The following TENM3 variants were observed in gnomAD, a reference collection of about 807,000 sequenced individuals.
The protein encoded by TENM3 is teneurin transmembrane protein 3.
In TENM3, 63 loss-of-function variants were observed where a neutral mutation model predicts 255.1. That is an observed-to-expected ratio of 0.25 (90% CI 0.20 to 0.30). The LOEUF is 0.30. Ranked by LOEUF, TENM3 falls within the 10% of genes least tolerant of loss-of-function variation. TENM3 has a pLI of 1.00. For missense variants in TENM3, 2,929 were observed against 3,461.1 expected (o/e 0.85, Z 3.86); for synonymous variants, 1,306 against 1,322.3 (o/e 0.99, Z 0.27).
intron 13 of TENM3, 120 bp from the exon 14 acceptor site, chr4:182,728,839 TACTATC>T: frequency 1.4e-6 from 1 of 704,280 alleles, no homozygotes; most frequent in Non-Finnish European, 2.4e-6. Flanking sequence ...TCATAGAAAT[TACTATC>T]AGATAGTCGG....
At chr4:181,527,437 C>G in the TENM3 span, among the ~76,000 whole-genome samples, 1 of 151,952 alleles carries the variant, frequency 6.6e-6, no homozygotes, top group African/African-American at 2.4e-5. Context: ...GGCTTGATCT[C>G]GGCTCTCTGC....
chr4:182,670,385 A>T (rs1410516806), intron 6 of TENM3, among the ~76,000 whole-genome samples: 1 of 152,152 alleles, frequency 6.6e-6, no homozygotes, highest in African/African-American at 2.4e-5. Context: ...AGAAGAGAGG[A>T]AGGGAGATTA....
At chr4:182,074,878 G>T in the TENM3 span, among the ~76,000 whole-genome samples, 2 of 152,186 alleles carry the variant, frequency 1.3e-5, no homozygotes, top group East Asian at 3.8e-4. Context: ...AAAAAGAATA[G>T]TCAGTGGCTA....
At chr4:182,391,206 G>A (rs771919481) in intron 3 of TENM3, among the ~76,000 whole-genome samples, 10 of 152,100 alleles carry the variant, frequency 6.6e-5, no homozygotes, top group East Asian at 5.8e-4. Flanking sequence ...TATTTGATCC[G>A]CCTGTGTAGA....
At chr4:181,611,059 C>T in the TENM3 span, among the ~76,000 whole-genome samples, 3 of 152,142 alleles carry the variant, frequency 2.0e-5, no homozygotes, top group Non-Finnish European at 2.9e-5. Context: ...ATCTTTATCA[C>T]TCTTGATTAT....
chr4:182,634,790 C>G (rs1300689582), intron 5 of TENM3, among the ~76,000 whole-genome samples: 1 of 150,374 alleles, frequency 6.7e-6, no homozygotes, highest in Non-Finnish European at 1.5e-5. Context: ...AGTCCATGTT[C>G]TGCGTCTGTT....
chr4:181,550,289 G>A, the TENM3 span, among the ~76,000 whole-genome samples: 2 of 152,042 alleles, frequency 1.3e-5, no homozygotes, highest in Admixed American at 6.5e-5. Context: ...TTCAGTTTAC[G>A]AAGATTCTCT....
At chr4:182,591,047 G>T (rs1455317113) in intron 3 of TENM3, among the ~76,000 whole-genome samples, 1 of 152,024 alleles carries the variant, frequency 6.6e-6, no homozygotes, top group African/African-American at 2.4e-5. Flanking sequence ...TTGGCTTTTT[G>T]TTCATGGATA....
At chr4:182,296,480 G>C (rs1470690800) in intron 1 of TENM3, among the ~76,000 whole-genome samples, 5 of 152,120 alleles carry the variant, frequency 3.3e-5, no homozygotes, top group African/African-American at 4.8e-5. Context: ...AAACCAGAGA[G>C]GTTTATAATC....
chr4:182,165,697 C>T (rs1751657678), intron 1 of TENM3, among the ~76,000 whole-genome samples: 1 of 152,220 alleles, frequency 6.6e-6, no homozygotes, highest in African/African-American at 2.4e-5. Context: ...GCATGCAGCA[C>T]ATTGGGTGGA....
At chr4:181,622,008 A>C in the TENM3 span, among the ~76,000 whole-genome samples, 3 of 152,206 alleles carry the variant, frequency 2.0e-5, no homozygotes, top group African/African-American at 7.2e-5. Flanking sequence ...AATCTAAAAA[A>C]CCAAGCATTT....
chr4:182,363,014 C>T (rs1766138010), intron 3 of TENM3, among the ~76,000 whole-genome samples: 1 of 152,152 alleles, frequency 6.6e-6, no homozygotes, highest in Admixed American at 6.5e-5. Flanking sequence ...AATTTTAAGT[C>T]AGTGTAGTAT....
chr4:182,358,509 GCT>G (rs1765721723), intron 3 of TENM3, among the ~76,000 whole-genome samples: 1 of 29,158 alleles, frequency 3.4e-5, no homozygotes, highest in Non-Finnish European at 3.1e-4. Flanking sequence ...TCATGATTTG[GCT>G]CTCTGTTTGT....
the TENM3 span, among the ~76,000 whole-genome samples, chr4:181,605,594 AAAGAAAGAAAG>A: frequency 8.5e-6 from 1 of 117,720 alleles, no homozygotes; most frequent in African/African-American, 3.2e-5. Flanking sequence ...GGAAAGAAAG[AAAGAAAGAAAG>A]AAAGAAAGAA....
At chr4:182,667,774 C>T (rs1001536875) in intron 6 of TENM3, among the ~76,000 whole-genome samples, 5 of 85,562 alleles carry the variant, frequency 5.8e-5, no homozygotes, top group South Asian at 3.9e-4. Flanking sequence ...CATCACACAC[C>T]GGGGTCACAC....
chr4:182,698,405 G>A (rs369439307), intron 12 of TENM3, among the ~76,000 whole-genome samples: 4 of 152,086 alleles, frequency 2.6e-5, no homozygotes, highest in South Asian at 4.2e-4. Context: ...TCACCTTCCC[G>A]TGTGAGTCAT....
the TENM3 span, among the ~76,000 whole-genome samples, chr4:181,909,959 A>G: frequency 4.4e-4 from 67 of 152,350 alleles, 1 homozygote; most frequent in South Asian, 0.013. Context: ...TTCAGGTTAT[A>G]TATTAGTTTT....
Position 182,673,105 on chromosome 4 carries a change from G to C in TENM3, c.1212G>C (p.Trp404Cys). Residue 404 changes from tryptophan to cysteine, a missense_variant, in exon 7 of 28, where the codon TGG (tryptophan) becomes TGC (cysteine). Around this residue, in one of 6 missense-constraint regions of TENM3, gnomAD observed 1,608 missense variants for 1,884.4 expected, o/e 0.85. Coordinates refer to ENST00000511685, the MANE Select transcript of TENM3 (RefSeq NM_001080477.4). ...AAGAGATTCCTCCCGGGATCTTCTGGAGATCACAGCTCTTCATTGATCAGC... is the reference window on the plus strand; with the variant it reads ...AAGAGATTCCTCCCGGGATCTTCTGCAGATCACAGCTCTTCATTGATCAGC... ...AIQEIPPGIF[W>C]RSQLFIDQPQ... 1 of 1,613,138 alleles carries C rather than the reference G, an allele frequency of 6.2e-7. No homozygotes were observed. The highest frequency in any genetic ancestry group is 8.5e-7 in the Non-Finnish European group (1 of 1,179,342).
At chr4:182,312,963 T>A (rs757433397) in intron 1 of TENM3, among the ~76,000 whole-genome samples, 1 of 152,198 alleles carries the variant, frequency 6.6e-6, no homozygotes, top group Admixed American at 6.5e-5. Flanking sequence ...ATATTACTAG[T>A]GTCTATTAAA....
Sources: allele counts gnomAD v4.1 joint callset (sites outside exome capture counted in the v4.1 genomes callset), GRCh38; gene constraint gnomAD v4.1.1; regional missense constraint gnomAD v4.1.1; transcripts MANE v1.5; gene names NCBI Gene and HGNC (gene_info 2026-07-23, HGNC 2026-07-21).